Variants in DYSF observed in about 807,000 individuals in gnomAD.
The protein encoded by DYSF is dystrophy-associated fer-1-like 1.
Under a neutral mutation model 274.9 loss-of-function variants are expected in DYSF, and 212 were observed. The ratio of observed to expected loss-of-function variants is 0.77; its 90% CI spans 0.69 to 0.86. DYSF has a LOEUF of 0.86. Ranked by LOEUF, DYSF falls within the 40% of genes least tolerant of loss-of-function variation. The probability of loss-of-function intolerance (pLI) is 0.00; values close to 1 mark genes in which losing one functional copy is unlikely to be tolerated. For synonymous variants in DYSF, 1,091 were observed against 1,078.7 expected, an observed-to-expected ratio of 1.01 and a Z score of -0.22; for missense variants, 2,666 against 2,783.2, an observed-to-expected ratio of 0.96 and a Z score of 0.95.
At chr2:71,604,332 C>T (rs1043046176) in intron 36 of DYSF, among the ~76,000 whole-genome samples, 2 of 152,190 alleles carry the variant, frequency 1.3e-5, no homozygotes, top group African/African-American at 4.8e-5. Flanking sequence ...CCTTCTGTTG[C>T]CACTGGTCCT....
chr2:71,507,617 A>G (rs1041230131), intron 4 of DYSF, among the ~76,000 whole-genome samples: 25 of 151,996 alleles, frequency 1.6e-4, no homozygotes, highest in East Asian at 1.9e-4. Context: ...GTGTGCGCGC[A>G]CACACACACA....
intron 41 of DYSF, among the ~76,000 whole-genome samples, chr2:71,640,251 A>G (rs1014860561): frequency 2.6e-5 from 4 of 152,262 alleles, no homozygotes; most frequent in Admixed American, 6.5e-5. Context: ...GTCAAACACA[A>G]TGCTGACTAT....
chr2:71,557,726 G>T (rs535144803), intron 22 of DYSF, among the ~76,000 whole-genome samples: 17 of 152,274 alleles, frequency 1.1e-4, no homozygotes, highest in Admixed American at 9.8e-4. Flanking sequence ...AATTTTACAT[G>T]TATTAACCAA....
chr2:71,487,604 G>A (rs2083465018), intron 3 of DYSF, among the ~76,000 whole-genome samples: 1 of 152,170 alleles, frequency 6.6e-6, no homozygotes, highest in African/African-American at 2.4e-5. Context: ...TGCCTCACAG[G>A]TTCAAGCGAT....
chr2:71,667,264 G>T, intron 47 of DYSF, 112 bp from the exon 48 acceptor site: 2 of 1,522,392 alleles, frequency 1.3e-6, no homozygotes, highest in East Asian at 2.3e-5. Flanking sequence ...GGCTGCGGGG[G>T]TTAGAGCTTC....
chr2:71,596,376 T>C (rs575024823), intron 32 of DYSF, among the ~76,000 whole-genome samples: 1 of 152,262 alleles, frequency 6.6e-6, no homozygotes, highest in Admixed American at 6.5e-5. Flanking sequence ...CGCATGCTTA[T>C]AAAAATAAAG....
intron 47 of DYSF, among the ~76,000 whole-genome samples, chr2:71,666,506 T>C (rs1573071760): frequency 6.6e-6 from 1 of 152,250 alleles, no homozygotes; most frequent in African/African-American, 2.4e-5. Context: ...CCTGGGTACA[T>C]GTACAGATGT....
chr2:71,520,464 C>T (rs151181155), intron 11 of DYSF, among the ~76,000 whole-genome samples: 90 of 152,294 alleles, frequency 5.9e-4, no homozygotes, highest in African/African-American at 1.2e-3. Flanking sequence ...ACTGGGCTCA[C>T]GGCAGACAGG....
rs1345130790 is a variant in DYSF at position 71,564,124 on chromosome 2, C to T, written c.2476C>T (p.Arg826Trp). ...LQGDKRVAYQ[R>W]VPAHQVLFSR... Reference sequence around the variant, plus strand: ...GGGAGACAAGCGTGTGGCATACCAGCGGGTGCCCGCCCACCAAGTCCTCTT... The same window carrying T: ...GGGAGACAAGCGTGTGGCATACCAGTGGGTGCCCGCCCACCAAGTCCTCTT... Residue 826 changes from arginine to tryptophan, a missense_variant, in exon 24 of 56, where the codon CGG (arginine) becomes TGG (tryptophan). Physicochemically the swap from Arg to Trp is moderately radical, Grantham distance 101. This residue lies in a region of DYSF where 412 missense variants were observed against 504.0 expected (regional missense o/e 0.82). Coordinates refer to ENST00000410020, the MANE Select transcript of DYSF (RefSeq NM_001130987.2). 6.8e-6 allele frequency: 11 copies of T among 1,614,266 alleles called. No homozygotes were observed. The highest frequency in any genetic ancestry group is 1.7e-5 in the Admixed American group (1 of 60,034).
In DYSF at chr2:71,574,391, T is replaced by A. The variant is rs2092630590; in HGVS notation, c.3402+20T>A. 1 of 1,612,150 alleles carries A rather than the reference T, an allele frequency of 6.2e-7. No individual in the cohort carries two copies. Among genetic ancestry groups the A allele is most frequent in the African/African-American group, 1.3e-5 (1 of 74,824 alleles). ...GCCCTGGTATGTGGGGCTGCACTTGTCCTGGCTTGGGTAGGGTATATCTTG... is the reference window on the plus strand; with the variant it reads ...GCCCTGGTATGTGGGGCTGCACTTGACCTGGCTTGGGTAGGGTATATCTTG... On this transcript the variant is annotated intron_variant, in intron 30 of 55. Transcript: ENST00000410020.
At chr2:71,598,244 C>T (rs2093453880) in intron 32 of DYSF, among the ~76,000 whole-genome samples, 1 of 152,174 alleles carries the variant, frequency 6.6e-6, no homozygotes, top group Non-Finnish European at 1.5e-5. Context: ...ATGAATATAC[C>T]ATACAGGCAC....
intron 54 of DYSF, 27 bp downstream of exon 54, chr2:71,681,137 T>G: frequency 6.3e-7 from 1 of 1,599,294 alleles, no homozygotes; most frequent in Non-Finnish European, 8.6e-7. Context: ...TGAGCCCCAA[T>G]GCCCACAGGT....
At chr2:71,617,873 A>AGG (rs2093936847) in intron 40 of DYSF, among the ~76,000 whole-genome samples, 1 of 30,802 alleles carries the variant, frequency 3.2e-5, no homozygotes, top group African/African-American at 8.7e-5. Flanking sequence ...TGTGTGGTAG[A>AGG]GGTGGGGTGT....
chr2:71,513,454 G>T (rs913441660), intron 6 of DYSF, 122 bp downstream of exon 6: 1 of 1,067,530 alleles, frequency 9.4e-7, no homozygotes, highest in Non-Finnish European at 1.4e-6. Context: ...AGGACTTGGC[G>T]GGTGGGAGGG....
chr2:71,526,401 CTG>C, intron 13 of DYSF, 55 bp downstream of exon 13: 3 of 638,102 alleles, frequency 4.7e-6, no homozygotes, highest in East Asian at 6.6e-5. Flanking sequence ...AGGCGCAGGG[CTG>C]GTGGGGGTGG....
chr2:71,570,763 G>T, intron 29 of DYSF, 22 bp downstream of exon 29: 4 of 1,612,978 alleles, frequency 2.5e-6, no homozygotes, highest in Non-Finnish European at 3.4e-6. Context: ...GGTGGTGGGT[G>T]GGAGTGAGGC....
intron 52 of DYSF, among the ~76,000 whole-genome samples, chr2:71,677,837 G>A (rs2152966543): frequency 6.6e-6 from 1 of 152,240 alleles, no homozygotes; most frequent in African/African-American, 2.4e-5. Context: ...TCCTACTCCA[G>A]GTGTGTGTGT....
intron 4 of DYSF, among the ~76,000 whole-genome samples, chr2:71,508,520 A>T (rs2085740115): frequency 6.6e-6 from 1 of 152,066 alleles, no homozygotes; most frequent in Admixed American, 6.5e-5. Context: ...GTAGCTGGAT[A>T]TTTTTTTGAA....
chr2:71,518,172 T>C (rs1296948500), intron 10 of DYSF, among the ~76,000 whole-genome samples: 1 of 152,160 alleles, frequency 6.6e-6, no homozygotes, highest in Middle Eastern at 3.5e-3. Flanking sequence ...AGTCCTCTTC[T>C]GAGAACCGAG....
Sources: gnomAD v4.1 joint callset for allele counts (sites outside exome capture counted in the v4.1 genomes callset) on GRCh38, gnomAD v4.1.1 for gene constraint, gnomAD v4.1.1 regional missense constraint, MANE v1.5 for transcripts, NCBI Gene and HGNC (gene_info 2026-07-23, HGNC 2026-07-21) for gene names.